Variants in CMSS1 observed in about 807,000 individuals in gnomAD.
The protein encoded by CMSS1 is protein CMSS1.
Under a neutral mutation model 43.5 loss-of-function variants are expected in CMSS1, and 33 were observed. The observed-to-expected ratio is 0.76, with a 90% confidence interval of 0.57 to 1.01. The LOEUF (loss-of-function observed/expected upper bound fraction) is 1.01, where lower values mean the gene tolerates loss of function less well. Ranked by LOEUF, CMSS1 falls within the 50% of genes least tolerant of loss-of-function variation. The pLI, the probability that CMSS1 is intolerant of heterozygous loss-of-function variation, is 0.00. For missense variants in CMSS1, 313 were observed against 326.4 expected, an observed-to-expected ratio of 0.96 and a Z score of 0.32; for synonymous variants, 115 against 117.2, an observed-to-expected ratio of 0.98 and a Z score of 0.12.
intron 1 of CMSS1, among the ~76,000 whole-genome samples, chr3:99,831,046 A>G (rs759003635): frequency 3.9e-5 from 6 of 152,194 alleles, no homozygotes; most frequent in Non-Finnish European, 5.9e-5. Flanking sequence ...GGCAGCTCCA[A>G]TGATGATTAG....
intron 1 of CMSS1, among the ~76,000 whole-genome samples, chr3:100,143,958 T>C (rs1292543242): frequency 6.6e-6 from 1 of 152,230 alleles, no homozygotes; most frequent in Admixed American, 6.5e-5. Flanking sequence ...TATCATTATA[T>C]TTGAAGTAAG....
At chr3:99,999,151 G>T (rs140424346) in intron 1 of CMSS1, among the ~76,000 whole-genome samples, 352 of 152,124 alleles carry the variant, frequency 2.3e-3, no homozygotes, top group Middle Eastern at 0.01. Flanking sequence ...TGTATTTAGT[G>T]TTGAAGATAC....
chr3:99,829,914 C>T (rs61543863), intron 1 of CMSS1, among the ~76,000 whole-genome samples: 3 of 152,236 alleles, frequency 2.0e-5, no homozygotes, highest in Non-Finnish European at 2.9e-5. Flanking sequence ...CCCTCCTGGT[C>T]ATAAAGAAAT....
intron 1 of CMSS1, among the ~76,000 whole-genome samples, chr3:99,907,786 C>T (rs143034925): frequency 6.6e-5 from 10 of 152,248 alleles, no homozygotes; most frequent in South Asian, 4.1e-4. Flanking sequence ...TAATGTGCAA[C>T]GCTAATGCTA....
intron 1 of CMSS1, chr3:99,964,434 C>T (rs1317913574): frequency 2.6e-5 from 4 of 152,168 alleles, no homozygotes; most frequent in African/African-American, 9.8e-5. Context: ...AGGATCAAGG[C>T]CAAACCACTT....
At chr3:100,168,914 TAC>T (rs534018826) in intron 6 of CMSS1, among the ~76,000 whole-genome samples, 41 of 149,832 alleles carry the variant, frequency 2.7e-4, no homozygotes, top group Admixed American at 3.3e-4. Flanking sequence ...CACATATATA[TAC>T]ACACACACAC....
chr3:100,162,555 C>A, intron 4 of CMSS1, 123 bp downstream of exon 4: 3 of 1,045,380 alleles, frequency 2.9e-6, no homozygotes, highest in Non-Finnish European at 4.1e-6. Context: ...TGCCTATAAT[C>A]CCAGCACTTT....
intron 1 of CMSS1, among the ~76,000 whole-genome samples, chr3:99,822,787 G>A (rs1396817530): frequency 6.6e-6 from 1 of 152,140 alleles, no homozygotes; most frequent in African/African-American, 2.4e-5. Context: ...CATTTGTTGA[G>A]CACTTAACTA....
intron 1 of CMSS1, among the ~76,000 whole-genome samples, chr3:99,932,513 A>G (rs1707515883): frequency 6.6e-6 from 1 of 152,054 alleles, no homozygotes; most frequent in African/African-American, 2.4e-5. Flanking sequence ...AAAAAATGCT[A>G]CTTCAAACAT....
intron 1 of CMSS1, among the ~76,000 whole-genome samples, chr3:99,883,255 G>T (rs1705787238): frequency 6.6e-6 from 1 of 152,156 alleles, no homozygotes; most frequent in South Asian, 2.1e-4. Flanking sequence ...TCCAAACTGA[G>T]AACTGGCTGC....
chr3:100,084,030 C>G (rs2065969954), intron 1 of CMSS1, among the ~76,000 whole-genome samples: 1 of 152,116 alleles, frequency 6.6e-6, no homozygotes, highest in South Asian at 2.1e-4. Flanking sequence ...TTCTTCCTTT[C>G]ATAAAATAAT....
intron 1 of CMSS1, among the ~76,000 whole-genome samples, chr3:99,932,292 T>C (rs539337341): frequency 3.9e-5 from 6 of 152,314 alleles, no homozygotes; most frequent in East Asian, 3.9e-4. Context: ...GAACAATGTA[T>C]AGTATTACAT....
chr3:99,965,314 A>G (rs888522817), intron 1 of CMSS1, among the ~76,000 whole-genome samples: 3 of 152,138 alleles, frequency 2.0e-5, no homozygotes, highest in Non-Finnish European at 2.9e-5. Flanking sequence ...TTTATCAAGA[A>G]TGAAAGGTTG....
At chr3:99,908,870 T>C (rs1039848673) in intron 1 of CMSS1, among the ~76,000 whole-genome samples, 2 of 152,064 alleles carry the variant, frequency 1.3e-5, no homozygotes, top group African/African-American at 4.8e-5. Context: ...AAAAAATTCC[T>C]ATTGTGTGTG....
intron 8 of CMSS1, among the ~76,000 whole-genome samples, chr3:100,173,024 T>C (rs1457087214): frequency 6.6e-6 from 1 of 152,218 alleles, no homozygotes; most frequent in African/African-American, 2.4e-5. Flanking sequence ...CCAAATTACT[T>C]ATGTATTATA....
intron 1 of CMSS1, among the ~76,000 whole-genome samples, chr3:99,927,415 G>T (rs1219089195): frequency 6.6e-6 from 1 of 151,172 alleles, no homozygotes; most frequent in Non-Finnish European, 1.5e-5. Context: ...TGTTGTTCAG[G>T]CTGGAGTGCA....
intron 1 of CMSS1, among the ~76,000 whole-genome samples, chr3:99,969,434 C>T (rs546322460): frequency 9.9e-4 from 150 of 152,200 alleles, no homozygotes; most frequent in African/African-American, 3.4e-3. Context: ...TATATAGTTG[C>T]GTCAATCTGA....
chr3:99,943,661 G>A (rs188772272), intron 1 of CMSS1, among the ~76,000 whole-genome samples: 2 of 151,952 alleles, frequency 1.3e-5, no homozygotes, highest in Non-Finnish European at 2.9e-5. Flanking sequence ...CCGAGATCAC[G>A]CCACTGCACT....
chr3:100,059,987 G>A (rs781239311), intron 1 of CMSS1, among the ~76,000 whole-genome samples: 4 of 151,330 alleles, frequency 2.6e-5, no homozygotes, highest in Non-Finnish European at 5.9e-5. Context: ...TTTAAAATGT[G>A]ACCCATATGA....
Sources: allele counts gnomAD v4.1 joint callset (sites outside exome capture counted in the v4.1 genomes callset), GRCh38; gene constraint gnomAD v4.1.1; transcripts MANE v1.5; gene names NCBI Gene and HGNC (gene_info 2026-07-23, HGNC 2026-07-21).